TJP3: variants seen among roughly 807,000 people sequenced by gnomAD.
TJP3 encodes tight junction protein ZO-3.
In TJP3, 85 loss-of-function variants were observed where a neutral mutation model predicts 104.2. The observed-to-expected ratio is 0.82, with a 90% CI of 0.68 to 0.98. The LOEUF is 0.98. TJP3 is among the 50% of genes least tolerant of loss of function. TJP3 has a pLI of 0.00. For missense variants in TJP3, 1,367 were observed against 1,322.8 expected (o/e 1.03, Z -0.52); for synonymous variants, 550 against 550.6 (o/e 1.00, Z 0.02).
In TJP3 at chr19:3,746,446, G is replaced by A. The variant is rs770825124; in HGVS notation, c.2011-39G>A. 1 of 1,602,904 alleles carries A rather than the reference G, an allele frequency of 6.2e-7. No homozygotes were observed. Among genetic ancestry groups the A allele is most frequent in the Non-Finnish European group, 8.5e-7 (1 of 1,171,250 alleles). On this transcript the variant is annotated intron_variant, in intron 16 of 20. Coordinates refer to ENST00000541714, the MANE Select transcript of TJP3 (RefSeq NM_001267560.2). This position sits in a 1 kb window ranked among gnomAD's most constrained non-coding sequence, Gnocchi z 4.1. ...TCTTTCTCTCTCTGTTTACCCTGCT[G>A]CAATCCCCCTCACCCCAACGTCCGC...
rs2036626949 is a variant in TJP3, at chr19:3,728,494, C to T, written c.48+14C>T. The T allele has an allele frequency of 1.2e-6, 2 of 1,603,180 alleles. No individual in the cohort carries two copies. The highest frequency in any genetic ancestry group is 2.7e-5 in the African/African-American group (2 of 74,316). On this transcript the variant is annotated intron_variant, in intron 2 of 20. Transcript: ENST00000541714. Reference sequence around the variant, plus strand: ...ACACTGTCCAAGGTGAGGCCTCCCTCTCCCTGTCTGGGTGCCAGAGAGTAT... The same window carrying T: ...ACACTGTCCAAGGTGAGGCCTCCCTTTCCCTGTCTGGGTGCCAGAGAGTAT...
At chr19:3,715,840 G>A (rs570472877) in intron 1 of TJP3, among the ~76,000 whole-genome samples, 13 of 152,066 alleles carry the variant, frequency 8.5e-5, no homozygotes, top group African/African-American at 2.4e-4. Context: ...GTGCAATGGC[G>A]CAATCTCGGC....
intron 3 of TJP3, 37 bp from the exon 4 acceptor site, chr19:3,729,991 C>T (rs116985866): frequency 0.032 from 51,281 of 1,589,670 alleles, 1,041 homozygotes; most frequent in Middle Eastern, 0.07. Flanking sequence ...GTCTCCCCTG[C>T]AAAGCCTCCT....
At chr19:3,733,162 A>G (rs977708242) in intron 6 of TJP3, among the ~76,000 whole-genome samples, 1 of 151,702 alleles carries the variant, frequency 6.6e-6, no homozygotes, top group Non-Finnish European at 1.5e-5. Flanking sequence ...CAGTCTCCTG[A>G]GTAGCTGGGA....
chr19:3,717,028 C>G (rs545599698), intron 1 of TJP3, among the ~76,000 whole-genome samples: 1 of 142,764 alleles, frequency 7.0e-6, no homozygotes, highest in Admixed American at 7.2e-5. Flanking sequence ...TGCAATGGCC[C>G]GATTTCGGCT....
At chr19:3,722,811 T>C (rs990435175) in intron 1 of TJP3, among the ~76,000 whole-genome samples, 1 of 132,644 alleles carries the variant, frequency 7.5e-6, no homozygotes, top group Non-Finnish European at 1.6e-5. Flanking sequence ...GTGTATTTGT[T>C]CGCTGAAACC....
In TJP3 at chr19:3,747,811, G is replaced by A; in HGVS notation, c.2340G>A (p.Glu780=). The A allele has an allele frequency of 6.3e-7, 1 of 1,598,818 alleles. No homozygotes were observed. The highest frequency in any genetic ancestry group is 1.3e-5 in the African/African-American group (1 of 74,872). Residue 780 remains glutamate (E), a synonymous_variant, in exon 19 of 21, where the codon GAG becomes GAA. Coordinates refer to ENST00000541714, the MANE Select transcript of TJP3 (RefSeq NM_001267560.2). ...CCCCACAGCTGGATGGCTCCTTGGA[G>A]GACAACCTAGACCTCCCTCACCACG... is the stretch of plus-strand genomic sequence containing the variant. The part of the protein sequence containing the change: ...TAEDQLDGSL[E]DNLDLPHHGL...
chr19:3,717,240 C>G (rs2036487458), intron 1 of TJP3, among the ~76,000 whole-genome samples: 1 of 146,318 alleles, frequency 6.8e-6, no homozygotes, highest in Non-Finnish European at 1.5e-5. Context: ...GCTGGGATTA[C>G]AGGCACGAGC....
intron 15 of TJP3, among the ~76,000 whole-genome samples, chr19:3,744,848 A>G (rs1314261274): frequency 6.6e-6 from 1 of 152,106 alleles, no homozygotes; most frequent in Non-Finnish European, 1.5e-5. Flanking sequence ...GAATTGCTTG[A>G]TCCCAGGAGG....
At chr19:3,749,097 C>A (rs1308075854) in intron 19 of TJP3, among the ~76,000 whole-genome samples, 1 of 151,184 alleles carries the variant, frequency 6.6e-6, no homozygotes, top group Non-Finnish European at 1.5e-5. Context: ...GTCTCCGATT[C>A]CTGACCTCAG....
rs1568384229 is a variant in TJP3, at chr19:3,735,551, T to TG, written c.987-15_987-14insG. ...AAATCCATCCCTGCCTCACTCCCAATCTGTTCCCCACCAGGGAGAGTCCCC... is the reference window on the plus strand; with the variant it reads ...AAATCCATCCCTGCCTCACTCCCAATGCTGTTCCCCACCAGGGAGAGTCCCC... On this transcript the variant is annotated splice_polypyrimidine_tract_variant and intron_variant, in intron 8 of 20. Coordinates refer to ENST00000541714, the MANE Select transcript of TJP3 (RefSeq NM_001267560.2). 9 of 1,613,864 alleles carry TG rather than the reference T, an allele frequency of 5.6e-6. No individual in the cohort carries two copies. Among genetic ancestry groups the TG allele is most frequent in the Admixed American group, 1.7e-5 (1 of 59,992 alleles).
At chr19:3,732,259 T>C (rs953961251) in intron 6 of TJP3, among the ~76,000 whole-genome samples, 4 of 152,048 alleles carry the variant, frequency 2.6e-5, no homozygotes, top group African/African-American at 7.2e-5. Context: ...AGTATCCCCA[T>C]GGGGTTGTCT....
chr19:3,738,681 T>C lies in TJP3; in HGVS notation c.1393+18T>C, dbSNP rs1270692914. ...GCAGGACAGTGAGTGCGCGTGGATA[T>C]GGGTGTGCCTGTGTGTTGCGGGGGG... On this transcript the variant is annotated intron_variant, in intron 12 of 20. Transcript: ENST00000541714. The C allele has an allele frequency of 2.5e-6, 4 of 1,602,054 alleles. No homozygotes were observed. The highest frequency in any genetic ancestry group is 1.7e-5 in the Admixed American group (1 of 59,738).
At chr19:3,720,936 T>A (rs1286741400) in intron 1 of TJP3, among the ~76,000 whole-genome samples, 1 of 126,188 alleles carries the variant, frequency 7.9e-6, no homozygotes, top group Non-Finnish European at 1.6e-5. Context: ...AGGGTCTCAC[T>A]CTACTCTGTC....
At chr19:3,728,223 G>C (rs149422822) in intron 1 of TJP3, 7,298 of 382,930 alleles carry the variant, frequency 0.019, 104 homozygotes, top group Non-Finnish European at 0.024. Context: ...CTGGGCGACA[G>C]AGCCAGACTC....
chr19:3,736,973 G>A (rs1198567105), intron 11 of TJP3, among the ~76,000 whole-genome samples: 7 of 150,684 alleles, frequency 4.6e-5, no homozygotes, highest in African/African-American at 1.5e-4. Flanking sequence ...TCCGCCTCCC[G>A]GGTTCAAGGG....
At chr19:3,711,751 A>AAAAGAAAGG in intron 1 of TJP3, among the ~76,000 whole-genome samples, 1 of 147,712 alleles carries the variant, frequency 6.8e-6, no homozygotes, top group African/African-American at 2.5e-5. Flanking sequence ...AAAAAAAAAA[A>AAAAGAAAGG]GGTGCTTTAT....
chr19:3,743,924 G>C lies in TJP3; in HGVS notation c.1844-15G>C. 1 of 1,613,364 alleles carries C rather than the reference G, an allele frequency of 6.2e-7. No homozygotes were observed. Among genetic ancestry groups the C allele is most frequent in the Non-Finnish European group, 8.5e-7 (1 of 1,179,378 alleles). ...AATGGGACCCTGATTCTTTCACTGTGTCTCTACCCCTCAGCCAGTTTCAAG... is the reference window on the plus strand; with the variant it reads ...AATGGGACCCTGATTCTTTCACTGTCTCTCTACCCCTCAGCCAGTTTCAAG... On this transcript the variant is annotated splice_polypyrimidine_tract_variant and intron_variant, in intron 14 of 20. Transcript: ENST00000541714.
chr19:3,715,803 A>G (rs1010420880), intron 1 of TJP3, among the ~76,000 whole-genome samples: 3 of 151,918 alleles, frequency 2.0e-5, no homozygotes, highest in Admixed American at 6.6e-5. Context: ...TTTGAGTTGG[A>G]GTCTCGCTCT....
Sources: gnomAD v4.1 joint callset for allele counts (sites outside exome capture counted in the v4.1 genomes callset) on GRCh38, gnomAD v4.1.1 for gene constraint, Gnocchi (gnomAD v3.1) non-coding constraint, MANE v1.5 for transcripts, NCBI Gene and HGNC (gene_info 2026-07-23, HGNC 2026-07-21) for gene names.